GRIK4: variants seen among roughly 807,000 people sequenced by gnomAD.
The protein encoded by GRIK4 is glutamate ionotropic receptor kainate type subunit 4, also known as glutamate receptor ionotropic, kainate 4.
In GRIK4, 40 loss-of-function variants were observed where a neutral mutation model predicts 104.9. The ratio of observed to expected loss-of-function variants is 0.38; its 90% confidence interval spans 0.30 to 0.50. The LOEUF is 0.50. Among genes scored for constraint, GRIK4 ranks in the 20% least tolerant of loss-of-function variants. GRIK4 has a pLI of 0.93. For missense variants in GRIK4, 1,047 were observed against 1,308.1 expected (o/e 0.80, Z 3.08); for synonymous variants, 485 against 524.9 (o/e 0.92, Z 1.04).
chr11:120,719,809 A>G (rs1049811974), intron 3 of GRIK4, among the ~76,000 whole-genome samples: 1 of 152,192 alleles, frequency 6.6e-6, no homozygotes, highest in Non-Finnish European at 1.5e-5. Context: ...TTCCAGAAGG[A>G]TCCTTCTTTT....
intron 3 of GRIK4, among the ~76,000 whole-genome samples, chr11:120,664,521 A>G (rs1004866587): frequency 6.6e-6 from 1 of 152,216 alleles, no homozygotes; most frequent in Non-Finnish European, 1.5e-5. Context: ...CCTGTTACAG[A>G]TGAAGCAATG....
intron 5 of GRIK4, among the ~76,000 whole-genome samples, chr11:120,817,576 T>TTCTGCCTTGCTGCTCCCC (rs1296737426): frequency 6.6e-6 from 1 of 152,254 alleles, no homozygotes; most frequent in East Asian, 1.9e-4. Flanking sequence ...GCTGGCTGCC[T>TTCTGCCTTGCTGCTCCCC]TCTGCCTTGC....
intron 3 of GRIK4, among the ~76,000 whole-genome samples, chr11:120,784,618 C>A (rs1032879253): frequency 6.6e-6 from 1 of 152,086 alleles, no homozygotes; most frequent in African/African-American, 2.4e-5. Context: ...CTTAGGGTCA[C>A]CCTGTCTAGA....
chr11:120,714,934 C>T lies in GRIK4; in HGVS notation c.82+54534C>T, dbSNP rs528357980. Among the ~76,000 whole-genome samples, 156 of 152,222 alleles carry T rather than the reference C, an allele frequency of 1.0e-3. 1 individual carries two copies. Among genetic ancestry groups the T allele is most frequent in the African/African-American group, 3.7e-3 (152 of 41,520 alleles). ...AGTTACAGGCAAGGAGGGACATGAT[C>T]AGATTTCTATTTTGGAGAGACTCCT... On this transcript the variant is annotated intron_variant, in intron 3 of 20. Coordinates refer to ENST00000527524, the MANE Select transcript of GRIK4 (RefSeq NM_014619.5).
intron 1 of GRIK4, among the ~76,000 whole-genome samples, chr11:120,538,076 C>T (rs1288901715): frequency 2.0e-5 from 3 of 152,238 alleles, no homozygotes; most frequent in Non-Finnish European, 2.9e-5. Flanking sequence ...TCTTATATTG[C>T]ACTTTCTAAC....
chr11:120,836,852 G>A lies in GRIK4; in HGVS notation c.744+8G>A, dbSNP rs1378671887. The A allele has an allele frequency of 3.9e-6, 6 of 1,550,162 alleles. No homozygotes were observed. In the East Asian group the frequency reaches 1.1e-4, roughly 29 times the overall value. On this transcript the variant is annotated splice_region_variant and intron_variant, in intron 8 of 20. Coordinates refer to ENST00000527524, the MANE Select transcript of GRIK4 (RefSeq NM_014619.5). ...TACATCTTCACTAATCTGGTAAGAT[G>A]TTCTCACAGCTCACCTCCTTGGAAG...
intron 1 of GRIK4, among the ~76,000 whole-genome samples, chr11:120,538,821 C>G (rs112618602): frequency 6.1e-4 from 93 of 152,356 alleles, no homozygotes; most frequent in African/African-American, 2.1e-3. Flanking sequence ...TCTGCTGATG[C>G]CAGGCTGGGG....
At chr11:120,923,963 C>A (rs1322058114) in intron 13 of GRIK4, among the ~76,000 whole-genome samples, 1 of 152,120 alleles carries the variant, frequency 6.6e-6, no homozygotes, top group Non-Finnish European at 1.5e-5. Context: ...TGGTCCCTCT[C>A]CCCTGGGCTT....
At chr11:120,527,068 CAA>C (rs1394902626) in intron 1 of GRIK4, among the ~76,000 whole-genome samples, 5 of 152,230 alleles carry the variant, frequency 3.3e-5, no homozygotes, top group African/African-American at 1.2e-4. Flanking sequence ...AGAAGTTGCC[CAA>C]AGTCACACAG....
rs57423619 is a variant in GRIK4 at position 120,753,297 on chromosome 11, C to CTGTGTGTGTGTGTGTG, written c.83-49365_83-49350dup. On this transcript the variant is annotated intron_variant, in intron 3 of 20. Transcript: ENST00000527524. ...AGTTGAGCAATCAGACAACACAACT[C>CTGTGTGTGTGTGTGTG]TGTGTGTGTGTGTGTGTGTGTGTGT... 1.5e-4 allele frequency among the ~76,000 whole-genome samples: 20 copies of CTGTGTGTGTGTGTGTG among 130,276 alleles called. No individual in the cohort carries two copies. The East Asian group carries it at 1.6e-3, about 10-fold the overall frequency. 85.5% of individuals were successfully genotyped at this position (130,276 alleles called of 152,430 possible). A position where few individuals can be genotyped will look rare whatever the true frequency, so the allele number is the denominator to read the frequency against.
intron 1 of GRIK4, among the ~76,000 whole-genome samples, chr11:120,580,692 C>G (rs549645129): frequency 1.3e-5 from 2 of 152,280 alleles, no homozygotes; most frequent in East Asian, 3.9e-4. Context: ...CCTCAGCCTC[C>G]CCGGTAGCTG....
chr11:120,572,069 G>T (rs1282591946), intron 1 of GRIK4, among the ~76,000 whole-genome samples: 2 of 152,214 alleles, frequency 1.3e-5, no homozygotes, highest in Admixed American at 6.5e-5. Context: ...GATGCCGGCG[G>T]ATCCAGGGTC....
At chr11:120,826,066 C>G (rs1953250777) in intron 6 of GRIK4, among the ~76,000 whole-genome samples, 2 of 152,174 alleles carry the variant, frequency 1.3e-5, no homozygotes, top group African/African-American at 4.8e-5. Context: ...TTACTACGTG[C>G]CCAACACCAT....
chr11:120,747,842 G>A (rs906052231), intron 3 of GRIK4, among the ~76,000 whole-genome samples: 1 of 152,210 alleles, frequency 6.6e-6, no homozygotes, highest in Non-Finnish European at 1.5e-5. Flanking sequence ...GCGTGGCTAC[G>A]CACACATGCA....
At position 120,948,406 on chromosome 11, in the gene GRIK4, C is replaced by A. The variant is rs1306829669; in HGVS notation, c.1591-4449C>A. ...GAAATGGTGACTAAGCTACAGAGCC[C>A]TAACACAGATCCAAGAGAACCTGCA... On this transcript the variant is annotated intron_variant, in intron 14 of 20. Transcript: ENST00000527524. Among the ~76,000 whole-genome samples, 3 of 152,042 alleles carry A rather than the reference C, an allele frequency of 2.0e-5. No individual in the cohort carries two copies. The East Asian group carries it at 5.8e-4, about 30-fold the overall frequency.
chr11:120,770,363 A>G (rs1951918960), intron 3 of GRIK4, among the ~76,000 whole-genome samples: 1 of 152,244 alleles, frequency 6.6e-6, no homozygotes, highest in African/African-American at 2.4e-5. Context: ...GAAGTCACCC[A>G]AAGTTAAGCT....
intron 11 of GRIK4, among the ~76,000 whole-genome samples, chr11:120,883,979 C>T (rs1429522162): frequency 6.6e-6 from 1 of 152,158 alleles, no homozygotes; most frequent in Non-Finnish European, 1.5e-5. Context: ...GGCCACCGGC[C>T]AGAGGTGTGG....
chr11:120,930,227 G>A (rs1943456125), intron 13 of GRIK4, among the ~76,000 whole-genome samples: 1 of 152,202 alleles, frequency 6.6e-6, no homozygotes, highest in South Asian at 2.1e-4. Flanking sequence ...CAGCGTCTTT[G>A]TCTCCAAAAC....
At chr11:120,930,006 G>T (rs1046222268) in intron 13 of GRIK4, among the ~76,000 whole-genome samples, 7 of 152,114 alleles carry the variant, frequency 4.6e-5, no homozygotes, top group African/African-American at 1.7e-4. Context: ...CACGTTTGGG[G>T]GGGGGGTCCC....
Sources: allele counts gnomAD v4.1 joint callset (sites outside exome capture counted in the v4.1 genomes callset), GRCh38; gene constraint gnomAD v4.1.1; transcripts MANE v1.5; gene names NCBI Gene and HGNC (gene_info 2026-07-23, HGNC 2026-07-21).